The following KIF1A variants were observed in gnomAD, a reference collection of about 807,000 sequenced individuals.
The protein encoded by KIF1A is kinesin family member 1A, also known as kinesin-like protein KIF1A.
In KIF1A, 46 loss-of-function variants were observed where a neutral mutation model predicts 227.3. The observed-to-expected ratio is 0.20, with a 90% CI of 0.16 to 0.26. KIF1A has a LOEUF of 0.26. Ranked by LOEUF, KIF1A falls within the 10% of genes least tolerant of loss-of-function variation. The pLI is 1.00. For missense variants in KIF1A, 1,683 were observed against 2,485.9 expected (o/e 0.68, Z 6.87); for synonymous variants, 1,022 against 1,012.8 (o/e 1.01, Z -0.17).
Position 240,774,897 on chromosome 2 carries a change from C to T in KIF1A, c.959-636G>A, listed in dbSNP as rs376138546. Among the ~76,000 whole-genome samples, 6 of 152,256 alleles carry T rather than the reference C, an allele frequency of 3.9e-5. No homozygotes were observed. In the South Asian group the frequency reaches 1.2e-3, roughly 32 times the overall value. On this transcript the variant is annotated intron_variant, in intron 11 of 48. Transcript: ENST00000498729. ...TGCTTGACCCCAGGGAACTGTGTAT[C>T]CTCAGGGCCATGTCCCCAGGGCATG...
chr2:240,783,142 C>A (rs1346550779), intron 8 of KIF1A, 33 bp from the exon 9 acceptor site: 9 of 1,580,192 alleles, frequency 5.7e-6, no homozygotes, highest in Non-Finnish European at 7.8e-6. Flanking sequence ...GGTTGGGATG[C>A]TGGGGACCCG....
At chr2:240,782,422 C>A (rs2054178657) in intron 10 of KIF1A, among the ~76,000 whole-genome samples, 168 bp downstream of exon 10, 1 of 152,124 alleles carries the variant, frequency 6.6e-6, no homozygotes, top group South Asian at 2.1e-4. Flanking sequence ...ACAGGCACCG[C>A]ACGGGGCCTC....
chr2:240,761,947 C>T (rs981313795), intron 23 of KIF1A, among the ~76,000 whole-genome samples: 5 of 152,188 alleles, frequency 3.3e-5, no homozygotes, highest in African/African-American at 9.7e-5. Flanking sequence ...CGACCCATGC[C>T]CTGTCTGTCC....
At chr2:240,807,054 T>C (rs1398182658) in intron 1 of KIF1A, among the ~76,000 whole-genome samples, 2 of 151,344 alleles carry the variant, frequency 1.3e-5, no homozygotes, top group Non-Finnish European at 2.9e-5. Context: ...ACTATTTGCA[T>C]TTGACCTACA....
At chr2:240,751,437 C>T (rs943825084) in intron 27 of KIF1A, among the ~76,000 whole-genome samples, 9 of 152,272 alleles carry the variant, frequency 5.9e-5, no homozygotes, top group Middle Eastern at 3.4e-3. Flanking sequence ...TGAGACTCAG[C>T]GGGCTGTGAA....
rs765812659 is a variant in KIF1A, at chr2:240,763,259, G to T, written c.1856C>A (p.Ala619Glu). The change falls in exon 21 of 49, where the codon GCG becomes GAG. Residue 619 changes from alanine (A) to glutamate (E), a missense_variant. Ala to Glu is a moderately radical substitution (Grantham distance 107, BLOSUM62 -1). Transcript: ENST00000498729. ...ARQERERTPCAETPAEPVDWA... is the reference protein window; with the variant it reads ...ARQERERTPCEETPAEPVDWA... Reference sequence around the variant, plus strand: ...GTCCACAGGCTCAGCTGGCGTCTCCGCACAAGGCGTGCGCTCACGCTCCTG... The same window carrying T: ...GTCCACAGGCTCAGCTGGCGTCTCCTCACAAGGCGTGCGCTCACGCTCCTG... 3.7e-6 allele frequency: 6 copies of T among 1,612,078 alleles called. No individual in the cohort carries two copies. The highest frequency in any genetic ancestry group is 5.1e-6 in the Non-Finnish European group (6 of 1,179,370).
intron 27 of KIF1A, among the ~76,000 whole-genome samples, 192 bp from the exon 28 acceptor site, chr2:240,750,739 G>A (rs1189606948): frequency 6.6e-6 from 1 of 152,220 alleles, no homozygotes; most frequent in African/African-American, 2.4e-5. Context: ...ACAGGAGACA[G>A]GAGGTGGAGG....
At chr2:240,814,833 C>T (rs918945974) in intron 1 of KIF1A, among the ~76,000 whole-genome samples, 3 of 152,192 alleles carry the variant, frequency 2.0e-5, no homozygotes, top group East Asian at 1.9e-4. Context: ...AGGAGGATCA[C>T]TTGAACCCAG....
rs902553605 is a variant in KIF1A at position 240,766,172 on chromosome 2, G to A, written c.1685-379C>T. 6.6e-6 allele frequency among the ~76,000 whole-genome samples: 1 copy of A among 152,140 alleles called. No individual in the cohort carries two copies. Among genetic ancestry groups the A allele is most frequent in the South Asian group, 2.1e-4 (1 of 4,834 alleles). On this transcript the variant is annotated intron_variant, in intron 19 of 48. Coordinates refer to ENST00000498729, the MANE Select transcript of KIF1A (RefSeq NM_001244008.2). This position sits in a 1 kb window ranked among gnomAD's most constrained non-coding sequence, Gnocchi z 5.0. ...AGGGCTTTGCAGTCAGAGAATTCCA[G>A]GAGAGCCAATCGTCCCAACACCACT...
chr2:240,762,936 A>C (rs1210764359), intron 22 of KIF1A, 83 bp downstream of exon 22: 1 of 1,136,086 alleles, frequency 8.8e-7, no homozygotes, highest in African/African-American at 1.8e-5. Flanking sequence ...CCAGGCAAGC[A>C]GGGAGGAGTG....
intron 2 of KIF1A, among the ~76,000 whole-genome samples, chr2:240,796,452 G>A (rs1192404814): frequency 4.6e-5 from 7 of 152,158 alleles, no homozygotes; most frequent in East Asian, 1.9e-4. Flanking sequence ...ACTTACGAAC[G>A]CACCTTTGTC....
intron 27 of KIF1A, among the ~76,000 whole-genome samples, chr2:240,755,848 C>G (rs764822416): frequency 6.6e-6 from 1 of 152,204 alleles, no homozygotes; most frequent in Non-Finnish European, 1.5e-5. Context: ...CCAGGAGGTG[C>G]AGGGGGCCTG....
intron 1 of KIF1A, among the ~76,000 whole-genome samples, chr2:240,800,031 A>G (rs760633755): frequency 2.0e-5 from 3 of 152,000 alleles, no homozygotes; most frequent in Non-Finnish European, 4.4e-5. Context: ...ACCAGCTATC[A>G]TATATCCTAC....
chr2:240,809,281 C>T lies in KIF1A; in HGVS notation c.-61+10841G>A, dbSNP rs538981900. Among the ~76,000 whole-genome samples, 8 of 152,208 alleles carry T rather than the reference C, an allele frequency of 5.3e-5. No individual in the cohort carries two copies. In the East Asian group the frequency reaches 1.5e-3, roughly 29 times the overall value. On this transcript the variant is annotated intron_variant, in intron 1 of 48. Transcript: ENST00000498729. ...GATGTTAAGAACATCAATAACAAGT[C>T]TGAAGAAGAAGAAAAAAAAGACCAG...
intron 27 of KIF1A, among the ~76,000 whole-genome samples, chr2:240,755,401 C>T (rs544554474): frequency 2.6e-5 from 4 of 152,306 alleles, no homozygotes; most frequent in South Asian, 4.1e-4. Flanking sequence ...GGTGCAAAGA[C>T]GCATGCTGGG....
At chr2:240,776,884 T>C (rs1321562611) in intron 10 of KIF1A, among the ~76,000 whole-genome samples, 1 of 152,184 alleles carries the variant, frequency 6.6e-6, no homozygotes, top group African/African-American at 2.4e-5. Flanking sequence ...CTCTTGAGAC[T>C]CCCAGTCAAA....
Position 240,789,486 on chromosome 2 carries a change from C to A in KIF1A, c.107-174G>T, listed in dbSNP as rs2055379918. Among the ~76,000 whole-genome samples the A allele has an allele frequency of 6.6e-6, 1 of 152,190 alleles. No homozygotes were observed. Among genetic ancestry groups the A allele is most frequent in the Non-Finnish European group, 1.5e-5 (1 of 68,026 alleles). The stretch of plus-strand genomic sequence containing the variant: ...TCCCAGGCAGATGAGCTGTCTCTGC[C>A]CCCTCCTTATGGTGGACGCTGCCAC... On this transcript the variant is annotated intron_variant, in intron 2 of 48. Coordinates refer to ENST00000498729, the MANE Select transcript of KIF1A (RefSeq NM_001244008.2). This position sits in a 1 kb window ranked among gnomAD's most constrained non-coding sequence, Gnocchi z 4.8.
Position 240,737,093 on chromosome 2 carries a change from G to C in KIF1A, c.3977C>G (p.Ser1326Cys). 1 of 1,613,788 alleles carries C rather than the reference G, an allele frequency of 6.2e-7. No homozygotes were observed. The highest frequency in any genetic ancestry group is 8.5e-7 in the Non-Finnish European group (1 of 1,179,686). The change falls in exon 38 of 49, where the codon TCC (serine) becomes TGC (cysteine). Residue 1326 changes from serine (S) to cysteine (C), a missense_variant. Transcript: ENST00000498729. ...PNILSLNILSSGYIHPAQDDR... is the reference protein window; with the variant it reads ...PNILSLNILSCGYIHPAQDDR... ...ATCTTGGGCTGGGTGGATGTATCCG[G>C]AAGAGAGGATGTTGAGAGACAAGAT...
chr2:240,748,248 G>A (rs1368928628), intron 28 of KIF1A, among the ~76,000 whole-genome samples: 5 of 152,184 alleles, frequency 3.3e-5, no homozygotes, highest in African/African-American at 2.4e-5. Flanking sequence ...CCTAACTGGC[G>A]ACACTCATCT....
Sources: allele counts gnomAD v4.1 joint callset (sites outside exome capture counted in the v4.1 genomes callset), GRCh38; gene constraint gnomAD v4.1.1; non-coding constraint Gnocchi (gnomAD v3.1); transcripts MANE v1.5; gene names NCBI Gene and HGNC (gene_info 2026-07-23, HGNC 2026-07-21).